Variants in RB1 observed in about 807,000 individuals in gnomAD.
The protein encoded by RB1 is RB transcriptional corepressor 1, also known as retinoblastoma-associated protein.
Under a neutral mutation model 135.4 loss-of-function variants are expected in RB1, and 18 were observed. The ratio of observed to expected loss-of-function variants is 0.13; its 90% CI spans 0.09 to 0.20. The LOEUF (loss-of-function observed/expected upper bound fraction) is 0.20. Ranked by LOEUF, RB1 falls within the 10% of genes least tolerant of loss-of-function variation. RB1 has a pLI of 1.00. For synonymous variants in RB1, 365 were observed against 373.2 expected (o/e 0.98, Z 0.25); for missense variants, 868 against 1,110.0 (o/e 0.78, Z 3.10).
chr13:48,465,964 G>A (rs545009697), intron 23 of RB1, among the ~76,000 whole-genome samples: 7 of 146,950 alleles, frequency 4.8e-5, no homozygotes, highest in Admixed American at 1.4e-4. Context: ...ACTGCAAGGC[G>A]GCAGCGAGGC....
At chr13:48,363,016 C>T (rs998954721) in intron 8 of RB1, 59 bp downstream of exon 8, 1 of 1,582,356 alleles carries the variant, frequency 6.3e-7, no homozygotes, top group Non-Finnish European at 8.7e-7. Flanking sequence ...GTAAGTTCTC[C>T]CTAACAATAT....
rs544475121 is a variant in RB1, at chr13:48,442,206, A to AT, written c.1696-10775dup. ...TAATTCTTCCTACAGTATGAATTTT[A>AT]TTTTTTTTTTTTGAAATGGAGTCTT... On this transcript the variant is annotated intron_variant, in intron 17 of 26. Coordinates refer to ENST00000267163, the MANE Select transcript of RB1 (RefSeq NM_000321.3). Among the ~76,000 whole-genome samples the AT allele has an allele frequency of 3.1e-3, 447 of 145,896 alleles. 2 individuals carry two copies. Among genetic ancestry groups the AT allele is most frequent in the African/African-American group, 8.6e-3 (347 of 40,292 alleles).
At chr13:48,334,974 C>A (rs1304306903) in intron 2 of RB1, among the ~76,000 whole-genome samples, 1 of 152,082 alleles carries the variant, frequency 6.6e-6, no homozygotes, top group African/African-American at 2.4e-5. Context: ...CACTTATTGA[C>A]TTTTCTCCTA....
intron 3 of RB1, among the ~76,000 whole-genome samples, chr13:48,343,837 T>C (rs1382735162): frequency 2.0e-5 from 3 of 152,220 alleles, no homozygotes; most frequent in Non-Finnish European, 4.4e-5. Flanking sequence ...TTCTACTCTT[T>C]CTTTATTTGC....
At chr13:48,317,092 T>A in intron 2 of RB1, 1 of 902,058 alleles carries the variant, frequency 1.1e-6, no homozygotes, top group Non-Finnish European at 1.5e-6. Flanking sequence ...CCGCCGTCCT[T>A]CTTCGCCAGC....
intron 8 of RB1, among the ~76,000 whole-genome samples, chr13:48,363,502 A>C (rs1566192829): frequency 6.6e-6 from 1 of 152,210 alleles, no homozygotes; most frequent in African/African-American, 2.4e-5. Context: ...GGTTACAGTG[A>C]GACATGATTG....
Position 48,459,888 on chromosome 13 carries a change from T to TG in RB1, c.2106+55_2106+56insG, listed in dbSNP as rs1555294131. Reference sequence around the variant, plus strand: ...CCTCCCTACTTACTTGTTAACTGATTCTTTCTTTCTTTCTTTCTTTCTTTC... The same window carrying TG: ...CCTCCCTACTTACTTGTTAACTGATTGCTTTCTTTCTTTCTTTCTTTCTTTC... On this transcript the variant is annotated intron_variant, in intron 20 of 26. Transcript: ENST00000267163. 8 of 257,024 alleles carry TG rather than the reference T, an allele frequency of 3.1e-5. 2 individuals are homozygous for TG. The highest frequency in any genetic ancestry group is 1.4e-4 in the East Asian group (2 of 14,372). 15.9% of individuals were successfully genotyped at this position (257,024 alleles called of 1,614,324 possible).
chr13:48,305,685 T>G (rs1952075119), intron 1 of RB1, among the ~76,000 whole-genome samples: 1 of 152,200 alleles, frequency 6.6e-6, no homozygotes, highest in Non-Finnish European at 1.5e-5. Context: ...CAAGATACAG[T>G]CTGTTCTTGA....
rs3020646 is a variant in RB1 at position 48,476,876 on chromosome 13, C to T, written c.2663+33C>T. 1,561,263 of 1,609,814 alleles carry T rather than the reference C, an allele frequency of 0.97. 759,894 individuals are homozygous for T. The highest frequency in any genetic ancestry group is 1 in the East Asian group (44,758 of 44,840). ...CCAGTTTTGAATGTTTTCCAGTAGC[C>T]GAGATGGTCATCTGGGGAATCCAGA... On this transcript the variant is annotated intron_variant, in intron 25 of 26. Coordinates refer to ENST00000267163, the MANE Select transcript of RB1 (RefSeq NM_000321.3).
intron 17 of RB1, chr13:48,416,439 G>A (rs890208759): frequency 6.6e-6 from 1 of 152,574 alleles, no homozygotes; most frequent in Middle Eastern, 3.4e-3. Flanking sequence ...ACAACCCTTA[G>A]ACCAGGCAAT....
In RB1 at chr13:48,435,387, A is replaced by G. The variant is rs114302341; in HGVS notation, c.1696-17606A>G. On this transcript the variant is annotated intron_variant, in intron 17 of 26. Coordinates refer to ENST00000267163, the MANE Select transcript of RB1 (RefSeq NM_000321.3). ...TTCCTCTCTGGTGAAATTTCTCTTC[A>G]TGTCTTTGCTCATTTTCTGATTGGA... Among the ~76,000 whole-genome samples the G allele has an allele frequency of 5.5e-3, 839 of 152,036 alleles. 14 individuals are homozygous for G. Among genetic ancestry groups the G allele is most frequent in the African/African-American group, 0.019 (798 of 41,464 alleles).
intron 2 of RB1, among the ~76,000 whole-genome samples, chr13:48,323,951 A>G (rs1355766668): frequency 1.3e-5 from 2 of 152,092 alleles, no homozygotes; most frequent in East Asian, 3.9e-4. Context: ...TCTATATTTT[A>G]CTTTCACAAT....
At chr13:48,437,221 A>G (rs374287181) in intron 17 of RB1, among the ~76,000 whole-genome samples, 3 of 152,228 alleles carry the variant, frequency 2.0e-5, no homozygotes, top group Non-Finnish European at 4.4e-5. Flanking sequence ...TTCAGAGAGC[A>G]ATTAGGCTGA....
In RB1 at chr13:48,307,344, G is replaced by A. The variant is rs2138034185; in HGVS notation, c.202G>A (p.Asp68Asn). The A allele has an allele frequency of 6.2e-7, 1 of 1,611,234 alleles. No homozygotes were observed. Among genetic ancestry groups the A allele is most frequent in the Non-Finnish European group, 8.5e-7 (1 of 1,177,620 alleles). Residue 68 changes from aspartate to asparagine, a missense_variant, in exon 2 of 27, where the codon GAT becomes AAT. By Grantham distance (23) the Asp-to-Asn change is conservative (BLOSUM62 1). This residue lies in a region of RB1 where 641 missense variants were observed against 791.3 expected (regional missense o/e 0.81). Coordinates refer to ENST00000267163, the MANE Select transcript of RB1 (RefSeq NM_000321.3). ...TALCQKLKIP[D>N]HVRERAWLTW... ...ATTATGTCAGAAATTAAAGATACCA[G>A]ATCATGTCAGAGAGAGAGCTTGGTT...
chr13:48,347,435 T>C (rs997392765), intron 4 of RB1, among the ~76,000 whole-genome samples: 11 of 152,102 alleles, frequency 7.2e-5, no homozygotes, highest in Admixed American at 7.2e-4. Context: ...ACTCCTTGAA[T>C]GATTTTAAAC....
intron 11 of RB1, among the ~76,000 whole-genome samples, chr13:48,372,090 TC>T (rs1263726062): frequency 2.0e-5 from 3 of 152,142 alleles, no homozygotes; most frequent in Non-Finnish European, 4.4e-5. Context: ...ATGAAACCAG[TC>T]CCTGTTGCCA....
At chr13:48,396,436 C>T (rs1175515201) in intron 17 of RB1, among the ~76,000 whole-genome samples, 1 of 152,170 alleles carries the variant, frequency 6.6e-6, no homozygotes, top group East Asian at 1.9e-4. Flanking sequence ...GGAAAACTGA[C>T]TAGCCATATG....
rs768761378 is a variant in RB1 at position 48,465,304 on chromosome 13, C to T, written c.2425C>T (p.Leu809=). The T allele has an allele frequency of 6.2e-7, 1 of 1,611,186 alleles. No homozygotes were observed. The highest frequency in any genetic ancestry group is 2.2e-5 in the East Asian group (1 of 44,852). The change falls in exon 23 of 27, where the codon CTG becomes TTG. Residue 809 remains leucine (L), a synonymous_variant. Transcript: ENST00000267163. ...IPGGNIYISP[L]KSPYKISEGL... ...TGGAGGGAACATCTATATTTCACCC[C>T]TGAAGAGTCCATATAAAATTTCAGA...
At chr13:48,366,177 A>T (rs906124761) in intron 9 of RB1, among the ~76,000 whole-genome samples, 4 of 143,380 alleles carry the variant, frequency 2.8e-5, no homozygotes, top group Non-Finnish European at 4.4e-5. Flanking sequence ...GAGTCTTGTT[A>T]CCACTTTTGG....
Sources: allele counts gnomAD v4.1 joint callset (sites outside exome capture counted in the v4.1 genomes callset), GRCh38; gene constraint gnomAD v4.1.1; regional missense constraint gnomAD v4.1.1; transcripts MANE v1.5; gene names NCBI Gene and HGNC (gene_info 2026-07-23, HGNC 2026-07-21).